Variants in DGKB observed in about 807,000 individuals in gnomAD.
DGKB encodes the protein 90 kDa diacylglycerol kinase.
A neutral mutation model predicts 114.3 loss-of-function variants in DGKB; 67 were observed. The ratio of observed to expected loss-of-function variants is 0.59; its 90% CI spans 0.48 to 0.72. The LOEUF is 0.72. Ranked by LOEUF, DGKB falls within the 30% of genes least tolerant of loss-of-function variation. The pLI, the probability that DGKB is intolerant of heterozygous loss-of-function variation, is 0.00. For missense variants in DGKB, 907 were observed against 975.2 expected, an observed-to-expected ratio of 0.93 and a Z score of 0.93; for synonymous variants, 398 against 323.1, an observed-to-expected ratio of 1.23 and a Z score of -2.49.
chr7:14,441,408 C>G (rs978466682), intron 21 of DGKB, among the ~76,000 whole-genome samples: 2 of 151,996 alleles, frequency 1.3e-5, no homozygotes, highest in African/African-American at 4.8e-5. Flanking sequence ...CAATTATAGA[C>G]CTTGAACTTT....
At chr7:14,796,474 TAG>T (rs1230480866) in intron 2 of DGKB, among the ~76,000 whole-genome samples, 2 of 152,144 alleles carry the variant, frequency 1.3e-5, no homozygotes, top group Non-Finnish European at 2.9e-5. Flanking sequence ...ACAAGTGGGA[TAG>T]AGATACTAAA....
At chr7:14,356,002 T>C (rs982466905) in intron 21 of DGKB, among the ~76,000 whole-genome samples, 5 of 152,162 alleles carry the variant, frequency 3.3e-5, no homozygotes, top group African/African-American at 1.2e-4. Context: ...TGGTTTAGTC[T>C]TGGGAGGGTG....
chr7:14,823,662 A>T (rs971161171), intron 2 of DGKB, among the ~76,000 whole-genome samples: 3 of 152,218 alleles, frequency 2.0e-5, no homozygotes, highest in Non-Finnish European at 4.4e-5. Context: ...AAACAAAATA[A>T]CAGCAATTAA....
At chr7:14,196,973 CGTA>C (rs1392886485) in intron 23 of DGKB, among the ~76,000 whole-genome samples, 3 of 152,066 alleles carry the variant, frequency 2.0e-5, no homozygotes, top group Non-Finnish European at 4.4e-5. Flanking sequence ...CATGACTAAT[CGTA>C]GTGTGAAAAG....
intron 21 of DGKB, among the ~76,000 whole-genome samples, chr7:14,413,603 G>C (rs1250299580): frequency 6.6e-6 from 1 of 151,988 alleles, no homozygotes; most frequent in African/African-American, 2.4e-5. Flanking sequence ...GCCTGAAGCG[G>C]GATAGAGTAG....
chr7:14,736,236 A>C (rs1170647887), intron 4 of DGKB, 42 bp from the exon 5 acceptor site: 1 of 1,288,374 alleles, frequency 7.8e-7, no homozygotes, highest in African/African-American at 1.5e-5. Context: ...AGATCCAACC[A>C]AATGTTAAAA....
intron 13 of DGKB, among the ~76,000 whole-genome samples, chr7:14,658,274 A>C (rs947425745): frequency 6.6e-6 from 1 of 151,966 alleles, no homozygotes; most frequent in Non-Finnish European, 1.5e-5. Context: ...AGCAACATAG[A>C]TGGAACTGGA....
At chr7:14,450,343 C>T (rs1205488975) in intron 21 of DGKB, among the ~76,000 whole-genome samples, 1 of 152,052 alleles carries the variant, frequency 6.6e-6, no homozygotes, top group Non-Finnish European at 1.5e-5. Flanking sequence ...AATGATAAAG[C>T]GTTTTTCTTT....
At chr7:14,621,653 A>C (rs1807679150) in intron 14 of DGKB, among the ~76,000 whole-genome samples, 159 bp from the exon 15 acceptor site, 1 of 152,088 alleles carries the variant, frequency 6.6e-6, no homozygotes, top group Non-Finnish European at 1.5e-5. Context: ...GTTGTTTTCA[A>C]CTGGCTCAAT....
intron 23 of DGKB, among the ~76,000 whole-genome samples, chr7:14,262,839 G>A (rs1406375809): frequency 6.6e-6 from 1 of 152,138 alleles, no homozygotes; most frequent in Admixed American, 6.6e-5. Flanking sequence ...TGGGCCAGCA[G>A]CAGTAAACTG....
intron 9 of DGKB, among the ~76,000 whole-genome samples, chr7:14,686,196 G>C (rs189111555): frequency 2.0e-5 from 3 of 151,814 alleles, no homozygotes; most frequent in Non-Finnish European, 4.4e-5. Flanking sequence ...TCTCTTCTCA[G>C]TAAAACTCTC....
intron 6 of DGKB, among the ~76,000 whole-genome samples, chr7:14,703,641 G>A (rs1488419974): frequency 6.6e-6 from 1 of 152,104 alleles, no homozygotes; most frequent in Non-Finnish European, 1.5e-5. Context: ...GTGATGGGAG[G>A]CGGCAGTGAT....
rs112316566 is a variant in DGKB at position 14,379,403 on chromosome 7, T to G, written c.1836-34012A>C. On this transcript the variant is annotated intron_variant, in intron 21 of 25. Transcript: ENST00000402815. ...GCGACTCAAAGAAATTATGGAGTTT[T>G]TTTTTTTTTTTTTTTCCACTTTCTG... Among the ~76,000 whole-genome samples, 347 of 151,764 alleles carry G rather than the reference T, an allele frequency of 2.3e-3. 3 individuals are homozygous for G. Among genetic ancestry groups the G allele is most frequent in the African/African-American group, 8.0e-3 (332 of 41,422 alleles).
At chr7:14,917,541 C>A (rs1387077409) in intron 1 of DGKB, among the ~76,000 whole-genome samples, 1 of 151,892 alleles carries the variant, frequency 6.6e-6, no homozygotes, top group South Asian at 2.1e-4. Context: ...GGACTGATTC[C>A]TTGAAAGACA....
At chr7:14,616,564 C>T (rs1806569063) in intron 15 of DGKB, among the ~76,000 whole-genome samples, 1 of 151,658 alleles carries the variant, frequency 6.6e-6, no homozygotes, top group African/African-American at 2.4e-5. Context: ...AAGATAAAAA[C>T]ACAACTATGT....
At chr7:14,307,156 C>A (rs1804618998) in intron 23 of DGKB, among the ~76,000 whole-genome samples, 1 of 152,132 alleles carries the variant, frequency 6.6e-6, no homozygotes. Context: ...TATTAGTAGA[C>A]AATGGATAAA....
chr7:14,378,393 C>A (rs933966476), intron 21 of DGKB, among the ~76,000 whole-genome samples: 3 of 152,032 alleles, frequency 2.0e-5, no homozygotes, highest in Non-Finnish European at 4.4e-5. Context: ...AAAAGTGTAT[C>A]ATGATTATGT....
At chr7:14,659,072 C>A (rs1282515080) in intron 13 of DGKB, among the ~76,000 whole-genome samples, 3 of 151,896 alleles carry the variant, frequency 2.0e-5, no homozygotes, top group African/African-American at 7.2e-5. Flanking sequence ...CCTCCCCTAA[C>A]CCCCTACCAC....
At chr7:14,784,367 CTTTT>C (rs1216046590) in intron 2 of DGKB, among the ~76,000 whole-genome samples, 2 of 129,200 alleles carry the variant, frequency 1.5e-5, no homozygotes, top group Non-Finnish European at 3.3e-5. Flanking sequence ...AAATTATATG[CTTTT>C]TTTTTTTTTT....
Sources: gnomAD v4.1 joint callset for allele counts (sites outside exome capture counted in the v4.1 genomes callset) on GRCh38, gnomAD v4.1.1 for gene constraint, MANE v1.5 for transcripts, NCBI Gene and HGNC (gene_info 2026-07-23, HGNC 2026-07-21) for gene names.